The following VTI1A variants were observed in gnomAD, a reference collection of about 807,000 sequenced individuals.
The protein encoded by VTI1A is vesicle transport through interaction with t-SNAREs homolog 1A.
In VTI1A, 22 loss-of-function variants were observed where a neutral mutation model predicts 34.9. The ratio of observed to expected loss-of-function variants is 0.63; its 90% CI spans 0.45 to 0.90. The LOEUF (loss-of-function observed/expected upper bound fraction) is 0.90. VTI1A is among the 40% of genes least tolerant of loss of function. The probability of loss-of-function intolerance (pLI) is 0.00; values close to 1 mark genes in which losing one functional copy is unlikely to be tolerated. For synonymous variants in VTI1A, 87 were observed against 97.3 expected, an observed-to-expected ratio of 0.89 and a Z score of 0.62; for missense variants, 268 against 275.6, an observed-to-expected ratio of 0.97 and a Z score of 0.20.
intron 5 of VTI1A, among the ~76,000 whole-genome samples, chr10:112,611,204 A>G (rs182370097): frequency 6.6e-6 from 1 of 152,340 alleles, no homozygotes; most frequent in East Asian, 1.9e-4. Flanking sequence ...GCCAAAGTCC[A>G]GCGGTTCTAG....
At chr10:112,551,412 T>C (rs1851357595) in intron 5 of VTI1A, among the ~76,000 whole-genome samples, 1 of 152,110 alleles carries the variant, frequency 6.6e-6, no homozygotes, top group Non-Finnish European at 1.5e-5. Flanking sequence ...ATTGGATTTA[T>C]TGGATGTGGA....
chr10:112,680,783 A>G (rs561158624), intron 7 of VTI1A, among the ~76,000 whole-genome samples: 1 of 152,330 alleles, frequency 6.6e-6, no homozygotes, highest in South Asian at 2.1e-4. Context: ...AGGAGATGAT[A>G]GGTGAGAACC....
intron 5 of VTI1A, among the ~76,000 whole-genome samples, chr10:112,605,490 C>G (rs1845044431): frequency 6.6e-6 from 1 of 152,136 alleles, no homozygotes; most frequent in Admixed American, 6.5e-5. Context: ...GCGTGTGCTG[C>G]TTTCAATTCC....
At chr10:112,483,715 T>C (rs1308901998) in intron 3 of VTI1A, among the ~76,000 whole-genome samples, 4 of 152,116 alleles carry the variant, frequency 2.6e-5, no homozygotes, top group South Asian at 2.1e-4. Context: ...AAATATCCCG[T>C]TGGGGGCAAA....
At chr10:112,735,967 C>T (rs74156809) in intron 7 of VTI1A, among the ~76,000 whole-genome samples, 1,898 of 150,090 alleles carry the variant, frequency 0.013, 37 homozygotes, top group African/African-American at 0.043. Context: ...AGAATTTGCA[C>T]ATGACTTTGT....
At chr10:112,613,469 T>C (rs1462035648) in intron 5 of VTI1A, among the ~76,000 whole-genome samples, 5 of 152,210 alleles carry the variant, frequency 3.3e-5, no homozygotes, top group Admixed American at 6.5e-5. Context: ...CTGTATTTCT[T>C]ATGCCTTTCA....
In VTI1A at chr10:112,715,468, A is replaced by T. The variant is rs191985767; in HGVS notation, c.560+46470A>T. On this transcript the variant is annotated intron_variant, in intron 7 of 7. Coordinates refer to ENST00000393077, the MANE Select transcript of VTI1A (RefSeq NM_145206.4). Reference sequence around the variant, plus strand: ...TAGTAAATGAAGTTATGAAACTGAGACTAGTTTATTCTGGAAGCTTCTTAG... The same window carrying T: ...TAGTAAATGAAGTTATGAAACTGAGTCTAGTTTATTCTGGAAGCTTCTTAG... Among the ~76,000 whole-genome samples the T allele has an allele frequency of 7.9e-5, 12 of 152,294 alleles. 1 individual carries two copies. In the East Asian group the frequency reaches 2.3e-3, roughly 29 times the overall value.
At chr10:112,631,165 A>G (rs993850909) in intron 5 of VTI1A, among the ~76,000 whole-genome samples, 1 of 152,150 alleles carries the variant, frequency 6.6e-6, no homozygotes, top group African/African-American at 2.4e-5. Context: ...TGACACTGCT[A>G]TGCTACTCTC....
intron 3 of VTI1A, among the ~76,000 whole-genome samples, chr10:112,479,695 A>G (rs1848401463): frequency 6.6e-6 from 1 of 152,178 alleles, no homozygotes; most frequent in African/African-American, 2.4e-5. Context: ...TTCTGAAAAT[A>G]ATCATTTACA....
chr10:112,604,431 C>T lies in VTI1A; in HGVS notation c.428-63787C>T, dbSNP rs572451762. 2.6e-5 allele frequency among the ~76,000 whole-genome samples: 4 copies of T among 152,280 alleles called. No homozygotes were observed. In the East Asian group the frequency reaches 5.8e-4, roughly 22 times the overall value. On this transcript the variant is annotated intron_variant, in intron 5 of 7. Transcript: ENST00000393077. ...TTCTCTTTCTTCCCCCTCTCTAACTCGCTCTCCACCTTTCTCTCCATTTTT... is the reference window on the plus strand; with the variant it reads ...TTCTCTTTCTTCCCCCTCTCTAACTTGCTCTCCACCTTTCTCTCCATTTTT...
At position 112,669,414 on chromosome 10, in the gene VTI1A, A is replaced by G. The variant is rs146755981; in HGVS notation, c.560+416A>G. On this transcript the variant is annotated intron_variant, in intron 7 of 7. Transcript: ENST00000393077. ...TCTGTTGCCTTGTTTTCATTTCTTT[A>G]AGTGACGCTGTTTGGGGAAACATTT... 2.4e-3 allele frequency among the ~76,000 whole-genome samples: 365 copies of G among 152,230 alleles called. 3 individuals are homozygous for G. Among genetic ancestry groups the G allele is most frequent in the African/African-American group, 8.4e-3 (349 of 41,534 alleles).
At chr10:112,593,088 C>T (rs936078842) in intron 5 of VTI1A, among the ~76,000 whole-genome samples, 2 of 152,240 alleles carry the variant, frequency 1.3e-5, no homozygotes, top group Non-Finnish European at 2.9e-5. Context: ...GATCTCCTCT[C>T]CCATCTTCCT....
intron 7 of VTI1A, among the ~76,000 whole-genome samples, chr10:112,723,317 A>C (rs1436338822): frequency 6.6e-6 from 1 of 152,182 alleles, no homozygotes; most frequent in African/African-American, 2.4e-5. Context: ...CTTGAAAACT[A>C]AGAACTCTTA....
intron 7 of VTI1A, among the ~76,000 whole-genome samples, chr10:112,741,662 T>G (rs1430563081): frequency 3.3e-5 from 5 of 152,320 alleles, no homozygotes; most frequent in African/African-American, 1.2e-4. Flanking sequence ...ATAAAAAAAT[T>G]TTTAAGGTAT....
chr10:112,755,658 A>G (rs1159303776), intron 7 of VTI1A, among the ~76,000 whole-genome samples: 2 of 152,248 alleles, frequency 1.3e-5, no homozygotes, highest in Non-Finnish European at 2.9e-5. Context: ...GCATTTGCAC[A>G]TATTTCAAAA....
intron 7 of VTI1A, among the ~76,000 whole-genome samples, chr10:112,807,997 C>A (rs751265400): frequency 6.6e-6 from 1 of 152,146 alleles, no homozygotes; most frequent in Non-Finnish European, 1.5e-5. Flanking sequence ...GCAAGAGGAT[C>A]TCTTGAGGCC....
intron 7 of VTI1A, among the ~76,000 whole-genome samples, chr10:112,709,682 CTTTTTTTTTTTTTTTT>C (rs57081938): frequency 2.8e-5 from 2 of 70,256 alleles, no homozygotes; most frequent in African/African-American, 6.5e-5. Flanking sequence ...CTCTATGTGG[CTTTTTTTTTTTTTTTT>C]TTTTTTTTTT....
intron 7 of VTI1A, among the ~76,000 whole-genome samples, chr10:112,738,059 T>C (rs1850560040): frequency 6.6e-6 from 1 of 152,220 alleles, no homozygotes; most frequent in Non-Finnish European, 1.5e-5. Flanking sequence ...CTCATTCTTA[T>C]CCTTGTCAAT....
At chr10:112,517,544 GA>G (rs1366887119) in intron 3 of VTI1A, among the ~76,000 whole-genome samples, 2 of 152,032 alleles carry the variant, frequency 1.3e-5, no homozygotes, top group East Asian at 3.9e-4. Flanking sequence ...ATGAAAAGAG[GA>G]AAAGGGTAAC....
Sources: allele counts gnomAD v4.1 joint callset (sites outside exome capture counted in the v4.1 genomes callset), GRCh38; gene constraint gnomAD v4.1.1; transcripts MANE v1.5; gene names NCBI Gene and HGNC (gene_info 2026-07-23, HGNC 2026-07-21).